Variants in RNF152 observed in about 807,000 individuals in gnomAD.
The protein encoded by RNF152 is E3 ubiquitin-protein ligase RNF152.
Under a neutral mutation model 12.7 loss-of-function variants are expected in RNF152, and 11 were observed. The observed-to-expected ratio is 0.86, with a 90% CI of 0.54 to 1.43. The LOEUF is 1.43. RNF152 is among the 40% of genes most tolerant of loss of function. RNF152 has a pLI of 0.00. For synonymous variants in RNF152, 113 were observed against 120.3 expected, an observed-to-expected ratio of 0.94 and a Z score of 0.40; for missense variants, 255 against 274.8, an observed-to-expected ratio of 0.93 and a Z score of 0.51.
chr18:61,828,315 G>T (rs529772654), intron 1 of RNF152, among the ~76,000 whole-genome samples: 2 of 152,284 alleles, frequency 1.3e-5, no homozygotes, highest in South Asian at 2.1e-4. Flanking sequence ...TCACAAGCAT[G>T]ATCATAGCTC....
At chr18:61,878,588 G>A (rs760329633) in intron 1 of RNF152, among the ~76,000 whole-genome samples, 7 of 152,212 alleles carry the variant, frequency 4.6e-5, no homozygotes, top group Non-Finnish European at 8.8e-5. Flanking sequence ...AAATACTTGT[G>A]ATTGGGTGAT....
rs1428410280 is a variant in RNF152, at chr18:61,809,665, T to C, written c.*6187A>G. ...ACAAAAACAAAGAAAATGCATGCTG[T>C]TGCAGACTTCAAGAGGTCCCTCAGT... On this transcript the variant is annotated 3_prime_UTR_variant, in exon 2 of 2. Transcript: ENST00000312828. 1 of 152,176 alleles carries C rather than the reference T, an allele frequency of 6.6e-6. No homozygotes were observed. The highest frequency in any genetic ancestry group is 1.5e-5 in the Non-Finnish European group (1 of 68,040). The allele number at this position is 152,176 out of a possible 1,614,324, so 9.4% of individuals were successfully genotyped here.
At chr18:61,872,178 C>T (rs779936115) in intron 1 of RNF152, among the ~76,000 whole-genome samples, 1 of 152,026 alleles carries the variant, frequency 6.6e-6, no homozygotes, top group African/African-American at 2.4e-5. Flanking sequence ...AACTAGGTCT[C>T]GTGAGAACTC....
chr18:61,871,215 C>CA lies in RNF152; in HGVS notation c.-136+21579dup, dbSNP rs142960702. 9.2e-3 allele frequency among the ~76,000 whole-genome samples: 1,286 copies of CA among 139,636 alleles called. 29 individuals are homozygous for CA. Among genetic ancestry groups the CA allele is most frequent in the African/African-American group, 0.031 (1,154 of 37,080 alleles). 91.6% of individuals were successfully genotyped at this position (139,636 alleles called of 152,430 possible). Reference sequence around the variant, plus strand: ...CACCCCCACCCACCTCCCCCCACCCCAAAAAAAAACAGAAGGGAATTGATT... The same window carrying CA: ...CACCCCCACCCACCTCCCCCCACCCCAAAAAAAAAACAGAAGGGAATTGATT... On this transcript the variant is annotated intron_variant, in intron 1 of 1. Coordinates refer to ENST00000312828, the MANE Select transcript of RNF152 (RefSeq NM_173557.3).
intron 1 of RNF152, among the ~76,000 whole-genome samples, chr18:61,818,822 C>A (rs1028495749): frequency 6.6e-6 from 1 of 152,150 alleles, no homozygotes; most frequent in African/African-American, 2.4e-5. Context: ...ATGTGTCAAG[C>A]GTGATGTTCC....
In RNF152 at chr18:61,809,783, G is replaced by T. The variant is rs747961513; in HGVS notation, c.*6069C>A. 6.7e-6 allele frequency: 1 copy of T among 148,264 alleles called. No homozygotes were observed. The highest frequency in any genetic ancestry group is 1.5e-5 in the Non-Finnish European group (1 of 67,478). The allele number at this position is 148,264 out of a possible 1,614,324, so 9.2% of individuals were successfully genotyped here. On this transcript the variant is annotated 3_prime_UTR_variant, in exon 2 of 2. Transcript: ENST00000312828. ...ATTAGAATAATAAAATCGAGCTAAT[G>T]AGATGAGTATTTCAAGCACCACTAC...
chr18:61,862,178 C>T (rs1911517836), intron 1 of RNF152, among the ~76,000 whole-genome samples: 1 of 152,164 alleles, frequency 6.6e-6, no homozygotes. Flanking sequence ...AGCCCTGCCT[C>T]CTCCATCCTG....
rs1912964579 is a variant in RNF152, at chr18:61,811,210, T to C, written c.*4642A>G. 6.6e-6 allele frequency: 1 copy of C among 152,144 alleles called. No homozygotes were observed. The highest frequency in any genetic ancestry group is 6.5e-5 in the Admixed American group (1 of 15,274). 9.4% of individuals were successfully genotyped at this position (152,144 alleles called of 1,614,324 possible). On this transcript the variant is annotated 3_prime_UTR_variant, in exon 2 of 2. Transcript: ENST00000312828. ...AACAATGAAAAGCAGACTAACCAAT[T>C]TTGAAACAACATAAGTTTTCAAATA... is the stretch of plus-strand genomic sequence containing the variant.
At chr18:61,819,740 G>T (rs1479717560) in intron 1 of RNF152, among the ~76,000 whole-genome samples, 1 of 152,176 alleles carries the variant, frequency 6.6e-6, no homozygotes, top group African/African-American at 2.4e-5. Flanking sequence ...CAAAGAGAAG[G>T]TCAGGCACAG....
intron 1 of RNF152, among the ~76,000 whole-genome samples, chr18:61,823,170 C>T (rs1909497972): frequency 6.6e-6 from 1 of 152,234 alleles, no homozygotes; most frequent in South Asian, 2.1e-4. Context: ...TGGAGCAGGA[C>T]TTTGACAAAC....
rs558508501 is a variant in RNF152 at position 61,838,527 on chromosome 18, G to A, written c.-135-21929C>T. Among the ~76,000 whole-genome samples the A allele has an allele frequency of 4.6e-5, 7 of 152,306 alleles. No homozygotes were observed. In the South Asian group the frequency reaches 1.2e-3, roughly 27 times the overall value. ...GATTCAATGAAATGGACCTCAGTGT[G>A]AGCTTAAACCAACCCCCTTTTCTAG... On this transcript the variant is annotated intron_variant, in intron 1 of 1. Coordinates refer to ENST00000312828, the MANE Select transcript of RNF152 (RefSeq NM_173557.3).
rs148634020 is a variant in RNF152 at position 61,878,942 on chromosome 18, G to A, written c.-136+13853C>T. Among the ~76,000 whole-genome samples the A allele has an allele frequency of 8.5e-5, 13 of 152,342 alleles. No individual in the cohort carries two copies. The East Asian group carries it at 2.5e-3, about 29-fold the overall frequency. ...CAGCTAAAGAACTTACACTAGAGCT[G>A]GAGAGGCAACCATATGCAGAATTTT... On this transcript the variant is annotated intron_variant, in intron 1 of 1. Coordinates refer to ENST00000312828, the MANE Select transcript of RNF152 (RefSeq NM_173557.3).
At chr18:61,837,489 A>G (rs763340815) in intron 1 of RNF152, among the ~76,000 whole-genome samples, 8 of 152,228 alleles carry the variant, frequency 5.3e-5, no homozygotes, top group Admixed American at 3.9e-4. Context: ...GATGTCTGCC[A>G]ATAAGATGAA....
rs2144688276 is a variant in RNF152, at chr18:61,848,183, A to G, written c.-135-31585T>C. Among the ~76,000 whole-genome samples, 2 of 152,214 alleles carry G rather than the reference A, an allele frequency of 1.3e-5. 1 individual carries two copies. The highest frequency in any genetic ancestry group is 4.8e-5 in the African/African-American group (2 of 41,540). ...CCTCTGGGCTCCTCTCACATCAGCT[A>G]ACTAAAACCCTATGAGGTAGCAGGA... On this transcript the variant is annotated intron_variant, in intron 1 of 1. Transcript: ENST00000312828.
At chr18:61,822,541 T>C (rs528004121) in intron 1 of RNF152, among the ~76,000 whole-genome samples, 18 of 152,348 alleles carry the variant, frequency 1.2e-4, no homozygotes, top group South Asian at 2.1e-4. Context: ...ATCTCCAACA[T>C]TGAATTTTTA....
chr18:61,879,570 GAACTACAC>G (rs1330591163), intron 1 of RNF152, among the ~76,000 whole-genome samples: 3 of 152,164 alleles, frequency 2.0e-5, no homozygotes, highest in Non-Finnish European at 4.4e-5. Flanking sequence ...CGGGGAAAGG[GAACTACAC>G]AAAGGAATGG....
chr18:61,858,033 C>A (rs1911304803), intron 1 of RNF152, among the ~76,000 whole-genome samples: 1 of 152,198 alleles, frequency 6.6e-6, no homozygotes, highest in Non-Finnish European at 1.5e-5. Flanking sequence ...CAGAGCCACC[C>A]CAGCAGGGGC....
chr18:61,859,460 C>T (rs1911365867), intron 1 of RNF152, among the ~76,000 whole-genome samples: 1 of 152,182 alleles, frequency 6.6e-6, no homozygotes, highest in African/African-American at 2.4e-5. Context: ...AGCTGCATTC[C>T]CATGCAGAGC....
chr18:61,893,943 C>T (rs1311949557), upstream of RNF152, among the ~76,000 whole-genome samples: 1 of 151,888 alleles, frequency 6.6e-6, no homozygotes, highest in East Asian at 2.0e-4. Flanking sequence ...CCGCCAGACC[C>T]CGCGCTCCCC....
Sources: allele counts gnomAD v4.1 joint callset (sites outside exome capture counted in the v4.1 genomes callset), GRCh38; gene constraint gnomAD v4.1.1; transcripts MANE v1.5; gene names NCBI Gene and HGNC (gene_info 2026-07-23, HGNC 2026-07-21).